PTPN14: variants seen among roughly 807,000 people sequenced by gnomAD.
PTPN14 encodes the protein tyrosine-protein phosphatase non-receptor type 14.
Under a neutral mutation model 126.8 loss-of-function variants are expected in PTPN14, and 53 were observed. The observed-to-expected ratio is 0.42, with a 90% CI of 0.34 to 0.53. The LOEUF (loss-of-function observed/expected upper bound fraction) is 0.53, where lower values mean the gene tolerates loss of function less well. Among genes scored for constraint, PTPN14 ranks in the 20% least tolerant of loss-of-function variants. The probability of loss-of-function intolerance (pLI) is 0.08; values close to 1 mark genes in which losing one functional copy is unlikely to be tolerated. For synonymous variants in PTPN14, 630 were observed against 599.3 expected (o/e 1.05, Z -0.75); for missense variants, 1,257 against 1,552.9 (o/e 0.81, Z 3.20).
chr1:214,487,920 C>T (rs1317789709), intron 1 of PTPN14, among the ~76,000 whole-genome samples: 1 of 152,206 alleles, frequency 6.6e-6, no homozygotes, highest in Non-Finnish European at 1.5e-5. Flanking sequence ...ATTACAGGAT[C>T]GCTTTCCTGG....
rs542139540 is a variant in PTPN14 at position 214,383,319 on chromosome 1, T to A, written c.2536A>T (p.Met846Leu). 832 of 1,609,878 alleles carry A rather than the reference T, an allele frequency of 5.2e-4. 17 individuals carry two copies. In the South Asian group the frequency reaches 8.8e-3, roughly 17 times the overall value. Reference protein sequence around the residue: ...LEDSIIEREMMIRNLEKQKMA... With the variant: ...LEDSIIEREMLIRNLEKQKMA... ...GAGAGGAGGACACTCACCCTGATCA[T>A]CATCTCTCTCTCTATAATGCTGTCT... Residue 846 changes from methionine to leucine, a missense_variant, in exon 13 of 19, where the codon ATG becomes TTG. By Grantham distance (15) the Met-to-Leu change is conservative. Around this residue, in one of 3 missense-constraint regions of PTPN14, gnomAD observed 1,021 missense variants for 1,183.3 expected, o/e 0.86. Transcript: ENST00000366956. This position sits in a 1 kb window ranked among gnomAD's most constrained non-coding sequence, Gnocchi z 4.4.
intron 1 of PTPN14, among the ~76,000 whole-genome samples, chr1:214,507,474 G>A (rs752060687): frequency 6.6e-6 from 1 of 152,190 alleles, no homozygotes; most frequent in East Asian, 1.9e-4. Context: ...TCCTGAGTCA[G>A]TATAGCTCAT....
At chr1:214,549,884 T>C (rs541516982) in intron 1 of PTPN14, among the ~76,000 whole-genome samples, 1 of 152,278 alleles carries the variant, frequency 6.6e-6, no homozygotes, top group East Asian at 1.9e-4. Flanking sequence ...TTTCTGATAT[T>C]GGGGGTGGAG....
intron 4 of PTPN14, among the ~76,000 whole-genome samples, chr1:214,413,654 T>G (rs1659359118): frequency 6.6e-6 from 1 of 152,180 alleles, no homozygotes; most frequent in Non-Finnish European, 1.5e-5. Flanking sequence ...TCTTCTTGCT[T>G]TTTTAAAAAA....
chr1:214,442,559 T>C (rs2102622427), intron 3 of PTPN14, among the ~76,000 whole-genome samples: 1 of 152,346 alleles, frequency 6.6e-6, no homozygotes, highest in South Asian at 2.1e-4. Context: ...TCTGATTTAT[T>C]TCCTTTTGAA....
chr1:214,425,645 C>T (rs1170080830), intron 3 of PTPN14, among the ~76,000 whole-genome samples: 1 of 152,132 alleles, frequency 6.6e-6, no homozygotes, highest in Non-Finnish European at 1.5e-5. Flanking sequence ...TTACGTTGTT[C>T]CTAGTGTACT....
chr1:214,403,015 A>G (rs1659071948), intron 5 of PTPN14, 62 bp from the exon 6 acceptor site: 1 of 1,531,128 alleles, frequency 6.5e-7, no homozygotes, highest in Admixed American at 1.7e-5. Flanking sequence ...TTTTGCTTGC[A>G]AATCTTAAAG....
intron 17 of PTPN14, 52 bp downstream of exon 17, chr1:214,369,405 A>G: frequency 7.9e-6 from 12 of 1,524,054 alleles, no homozygotes; most frequent in East Asian, 2.3e-5. Flanking sequence ...TGAATTATTG[A>G]CACAGATCAT....
intron 1 of PTPN14, among the ~76,000 whole-genome samples, chr1:214,495,833 T>G (rs973560168): frequency 2.0e-5 from 3 of 152,096 alleles, no homozygotes; most frequent in Non-Finnish European, 4.4e-5. Context: ...TAGCTGGGAT[T>G]ACAGGCACAC....
Position 214,502,777 on chromosome 1 carries a change from C to A in PTPN14, c.-154-37820G>T, listed in dbSNP as rs191588588. Among the ~76,000 whole-genome samples the A allele has an allele frequency of 1.1e-4, 16 of 152,040 alleles. No homozygotes were observed. The East Asian group carries it at 2.9e-3, about 27-fold the overall frequency. On this transcript the variant is annotated intron_variant, in intron 1 of 18. Coordinates refer to ENST00000366956, the MANE Select transcript of PTPN14 (RefSeq NM_005401.5). ...AAAAGTGTTCCATAATAAAATATAG[C>A]GCAATAATGTTAAAAATAACAATAT... is the stretch of plus-strand genomic sequence containing the variant.
intron 1 of PTPN14, among the ~76,000 whole-genome samples, chr1:214,489,898 T>G (rs1422824827): frequency 3.3e-5 from 5 of 152,206 alleles, no homozygotes; most frequent in African/African-American, 4.8e-5. Flanking sequence ...TAAGCCTCAG[T>G]GTCTCGTCTA....
rs769268309 is a variant in PTPN14, at chr1:214,384,694, G to A, written c.1161C>T (p.Ser387=). The part of the protein sequence containing the change: ...NYLNGTVTNG[S]VCSVHSVNSL... Reference sequence around the variant, plus strand: ...AGTTGACGCTGTGAACGCTACACACGCTGCCATTGGTGACAGTGCCATTTA... The same window carrying A: ...AGTTGACGCTGTGAACGCTACACACACTGCCATTGGTGACAGTGCCATTTA... The change falls in exon 13 of 19, where the codon AGC becomes AGT. Residue 387 remains serine, a synonymous_variant. Transcript: ENST00000366956. The surrounding 1 kb of genome is among the most constrained non-coding windows in gnomAD (Gnocchi z 5.3). 39 of 1,614,060 alleles carry A rather than the reference G, an allele frequency of 2.4e-5. No individual in the cohort carries two copies. The highest frequency in any genetic ancestry group is 4.5e-5 in the East Asian group (2 of 44,870).
chr1:214,445,166 T>A (rs181986270), intron 3 of PTPN14, among the ~76,000 whole-genome samples: 2 of 152,302 alleles, frequency 1.3e-5, no homozygotes, highest in Admixed American at 1.3e-4. Context: ...AACTGGGAGA[T>A]GTACAATAGA....
At chr1:214,447,199 A>G (rs1660162822) in intron 3 of PTPN14, among the ~76,000 whole-genome samples, 1 of 151,972 alleles carries the variant, frequency 6.6e-6, no homozygotes, top group South Asian at 2.1e-4. Context: ...ATTCCTCTGG[A>G]ATCCTGCCCC....
chr1:214,481,496 C>A (rs7537159), intron 1 of PTPN14, among the ~76,000 whole-genome samples: 124,317 of 135,630 alleles, frequency 0.92, 57,051 homozygotes, highest in African/African-American at 0.97. Flanking sequence ...GGGAAACAAG[C>A]GCGAAACTCC....
At chr1:214,372,477 G>GTT in intron 16 of PTPN14, 1 of 557,122 alleles carries the variant, frequency 1.8e-6, no homozygotes, top group Non-Finnish European at 3.1e-6. Flanking sequence ...AAGGAAAAGA[G>GTT]TTAAAAGCCA....
chr1:214,512,525 T>TGG (rs1186717667), intron 1 of PTPN14, among the ~76,000 whole-genome samples: 1 of 152,156 alleles, frequency 6.6e-6, no homozygotes, highest in Admixed American at 6.5e-5. Flanking sequence ...CAGAGCAGAA[T>TGG]GGGGGTTACC....
intron 1 of PTPN14, chr1:214,532,959 G>A: frequency 1.3e-6 from 1 of 781,740 alleles, no homozygotes; most frequent in Admixed American, 1.7e-5. Flanking sequence ...AGCTGGCTCG[G>A]AAGAACCGAG....
At chr1:214,465,203 T>G (rs1484294703) in intron 1 of PTPN14, among the ~76,000 whole-genome samples, 1 of 152,184 alleles carries the variant, frequency 6.6e-6, no homozygotes, top group Non-Finnish European at 1.5e-5. Context: ...TCAAAGAGAT[T>G]AAAGCATTCA....
Sources: gnomAD v4.1 joint callset for allele counts (sites outside exome capture counted in the v4.1 genomes callset) on GRCh38, gnomAD v4.1.1 for gene constraint, gnomAD v4.1.1 regional missense constraint, Gnocchi (gnomAD v3.1) non-coding constraint, MANE v1.5 for transcripts, NCBI Gene and HGNC (gene_info 2026-07-23, HGNC 2026-07-21) for gene names.